Variants in NMD3 observed in about 807,000 individuals in gnomAD.
The protein encoded by NMD3 is 60S ribosomal export protein NMD3.
In NMD3, 47 loss-of-function variants were observed where a neutral mutation model predicts 73.1. The ratio of observed to expected loss-of-function variants is 0.64; its 90% CI spans 0.51 to 0.82. NMD3 has a LOEUF of 0.82. Ranked by LOEUF, NMD3 falls within the 40% of genes least tolerant of loss-of-function variation. The pLI, the probability that NMD3 is intolerant of heterozygous loss-of-function variation, is 0.00. For missense variants in NMD3, 554 were observed against 612.5 expected (o/e 0.90, Z 1.01); for synonymous variants, 210 against 194.5 (o/e 1.08, Z -0.66).
At chr3:161,225,840 A>G (rs760623656) in intron 3 of NMD3, among the ~76,000 whole-genome samples, 2 of 152,058 alleles carry the variant, frequency 1.3e-5, no homozygotes, top group African/African-American at 4.8e-5. Flanking sequence ...GTGTGTGTGT[A>G]TATATGTAAA....
intron 4 of NMD3, 131 bp downstream of exon 4, chr3:161,227,474 GAA>G: frequency 1.9e-6 from 1 of 523,484 alleles, no homozygotes; most frequent in African/African-American, 2.6e-5. Context: ...GTGGGGTCTT[GAA>G]CTGTCACCTG....
chr3:161,250,588 C>G (rs1324307782), intron 15 of NMD3, among the ~76,000 whole-genome samples, 192 bp from the exon 16 acceptor site: 1 of 152,140 alleles, frequency 6.6e-6, no homozygotes, highest in African/African-American at 2.4e-5. Flanking sequence ...GAAGTATATT[C>G]TTACAGTTAC....
intron 14 of NMD3, 84 bp from the exon 15 acceptor site, chr3:161,250,172 A>T: frequency 1.3e-6 from 1 of 753,794 alleles, no homozygotes; most frequent in Non-Finnish European, 2.3e-6. Flanking sequence ...CAGTATGTCT[A>T]CATAGTCCTT....
chr3:161,245,609 G>A (rs1296034241), intron 11 of NMD3, among the ~76,000 whole-genome samples: 1 of 151,594 alleles, frequency 6.6e-6, no homozygotes, highest in Non-Finnish European at 1.5e-5. Context: ...TTTATTTTGA[G>A]ATTCCTTAAT....
chr3:161,233,856 CAA>C (rs1736635589), intron 5 of NMD3, among the ~76,000 whole-genome samples: 31 of 152,110 alleles, frequency 2.0e-4, no homozygotes, highest in Admixed American at 2.0e-3. Context: ...ATGCTTGGGA[CAA>C]GAAGTGTTTC....
chr3:161,221,955 T>TC (rs1736102471), intron 1 of NMD3, 39 bp from the exon 2 acceptor site: 1 of 1,067,956 alleles, frequency 9.4e-7, no homozygotes, highest in African/African-American at 3.3e-5. Context: ...ATCCCAACAT[T>TC]CTCTTTTTTT....
intron 3 of NMD3, among the ~76,000 whole-genome samples, chr3:161,226,476 T>C (rs1736322936): frequency 2.0e-5 from 3 of 151,950 alleles, no homozygotes; most frequent in African/African-American, 7.2e-5. Flanking sequence ...AAATACGAAA[T>C]AAATATGTAC....
At chr3:161,228,071 A>T (rs1210448531) in intron 4 of NMD3, among the ~76,000 whole-genome samples, 2 of 152,092 alleles carry the variant, frequency 1.3e-5, no homozygotes, top group Non-Finnish European at 2.9e-5. Flanking sequence ...ATTAAAAAAA[A>T]TAGTTTGTTT....
chr3:161,227,920 C>T (rs776745569), intron 4 of NMD3, among the ~76,000 whole-genome samples: 5 of 151,466 alleles, frequency 3.3e-5, no homozygotes, highest in African/African-American at 9.7e-5. Flanking sequence ...AATTTTTTAA[C>T]GGAAATTTTT....
intron 11 of NMD3, among the ~76,000 whole-genome samples, chr3:161,243,799 CAAGT>C (rs958270668): frequency 6.6e-6 from 1 of 152,036 alleles, no homozygotes; most frequent in African/African-American, 2.4e-5. Context: ...TATCAAGAGA[CAAGT>C]AATGTCTGAC....
intron 4 of NMD3, 118 bp from the exon 5 acceptor site, chr3:161,233,281 G>A: frequency 1.6e-6 from 1 of 626,028 alleles, no homozygotes; most frequent in Non-Finnish European, 2.9e-6. Flanking sequence ...TGTGTAGTAT[G>A]CTGATCACAG....
intron 9 of NMD3, among the ~76,000 whole-genome samples, 167 bp from the exon 10 acceptor site, chr3:161,240,879 G>A (rs1394215076): frequency 6.6e-6 from 1 of 151,766 alleles, no homozygotes; most frequent in Non-Finnish European, 1.5e-5. Context: ...CAAGATGCCT[G>A]TCATACTTAA....
intron 4 of NMD3, 94 bp downstream of exon 4, chr3:161,227,437 ATTTTTTTT>A: frequency 8.3e-6 from 3 of 359,852 alleles, no homozygotes; most frequent in Admixed American, 5.8e-5. Context: ...TTCAAAAGGA[ATTTTTTTT>A]TTTTTTTTTT....
chr3:161,228,355 C>T (rs1272732951), intron 4 of NMD3, among the ~76,000 whole-genome samples: 1 of 151,922 alleles, frequency 6.6e-6, no homozygotes, highest in Non-Finnish European at 1.5e-5. Flanking sequence ...TGTCTTTTTC[C>T]CTTCATATTT....
intron 4 of NMD3, among the ~76,000 whole-genome samples, chr3:161,231,852 G>C (rs1458483165): frequency 6.6e-6 from 1 of 152,192 alleles, no homozygotes; most frequent in Non-Finnish European, 1.5e-5. Flanking sequence ...GGGCACAGTA[G>C]AAGGGTTTTA....
downstream of NMD3, chr3:161,253,306 T>G (rs1324659920): frequency 6.6e-6 from 1 of 152,200 alleles, no homozygotes; most frequent in East Asian, 1.9e-4. Context: ...TGTGCTCACA[T>G]TGAGTCAATC....
At chr3:161,246,596 A>G (rs911126251) in intron 12 of NMD3, 148 bp downstream of exon 12, 8 of 416,266 alleles carry the variant, frequency 1.9e-5, no homozygotes, top group Middle Eastern at 3.7e-4. Context: ...ATTGTTGATA[A>G]CTAAATTAAA....
chr3:161,252,958 G>A (rs60762239), downstream of NMD3: 476 of 475,698 alleles, frequency 1.0e-3, 2 homozygotes, highest in African/African-American at 8.6e-3. Flanking sequence ...AATTATCCGG[G>A]CGTGGTGGTG....
chr3:161,237,133 T>C (rs977359636), intron 7 of NMD3, among the ~76,000 whole-genome samples: 15 of 152,218 alleles, frequency 9.9e-5, no homozygotes, highest in Non-Finnish European at 2.1e-4. Flanking sequence ...TCTTGATTTC[T>C]AGTGCTACTG....
Sources: gnomAD v4.1 joint callset for allele counts (sites outside exome capture counted in the v4.1 genomes callset) on GRCh38, gnomAD v4.1.1 for gene constraint, MANE v1.5 for transcripts, NCBI Gene and HGNC (gene_info 2026-07-23, HGNC 2026-07-21) for gene names.